Variants in PCDHGA3 observed in about 807,000 individuals in gnomAD.
The protein encoded by PCDHGA3 is protocadherin gamma-A3.
A neutral mutation model predicts 58.5 loss-of-function variants in PCDHGA3; 40 were observed. The ratio of observed to expected loss-of-function variants is 0.68; its 90% CI spans 0.53 to 0.89. The LOEUF (loss-of-function observed/expected upper bound fraction) is 0.89, where lower values mean the gene tolerates loss of function less well. Ranked by LOEUF, PCDHGA3 falls within the 40% of genes least tolerant of loss-of-function variation. The probability of loss-of-function intolerance (pLI) is 0.00; values close to 1 mark genes in which losing one functional copy is unlikely to be tolerated. For synonymous variants in PCDHGA3, 530 were observed against 525.7 expected (o/e 1.01, Z -0.11); for missense variants, 1,223 against 1,195.9 (o/e 1.02, Z -0.33).
intron 2 of PCDHGA3, among the ~76,000 whole-genome samples, chr5:141,501,876 C>T (rs1463329895): frequency 6.6e-6 from 1 of 152,118 alleles, no homozygotes; most frequent in East Asian, 1.9e-4. Context: ...CGCCTCCTTA[C>T]ACTCCTGATC....
At chr5:141,448,808 G>C (rs2098608218) in intron 1 of PCDHGA3, among the ~76,000 whole-genome samples, 2 of 152,080 alleles carry the variant, frequency 1.3e-5, no homozygotes, top group Admixed American at 1.3e-4. Flanking sequence ...AGCCAGGCGT[G>C]ATGGCGGGCG....
At chr5:141,427,306 A>G (rs1023837851) in intron 1 of PCDHGA3, 6 of 456,826 alleles carry the variant, frequency 1.3e-5, no homozygotes, top group African/African-American at 1.2e-4. Flanking sequence ...GAGAATGACA[A>G]TGCCCCAGAC....
intron 1 of PCDHGA3, chr5:141,419,045 T>G (rs1473408777): frequency 6.2e-7 from 1 of 1,613,710 alleles, no homozygotes; most frequent in Non-Finnish European, 8.5e-7. Context: ...TAAGATTCAT[T>G]CTTCTTCTAA....
In PCDHGA3 at chr5:141,376,126, C is replaced by T. The variant is rs770848918; in HGVS notation, c.2424+29669C>T. 8 of 1,613,916 alleles carry T rather than the reference C, an allele frequency of 5.0e-6. No individual in the cohort carries two copies. In the East Asian group the frequency reaches 1.3e-4, roughly 27 times the overall value. On this transcript the variant is annotated intron_variant, in intron 1 of 3. Transcript: ENST00000253812. ...CCGACCTGGGCAGCCTCGAGCCCTCCGCCAAACCCAACGATTCGGACCTCA... is the reference window on the plus strand; with the variant it reads ...CCGACCTGGGCAGCCTCGAGCCCTCTGCCAAACCCAACGATTCGGACCTCA...
chr5:141,420,840 TC>T (rs1453160032), intron 1 of PCDHGA3, among the ~76,000 whole-genome samples: 1 of 152,250 alleles, frequency 6.6e-6, no homozygotes, highest in Admixed American at 6.5e-5. Flanking sequence ...TCGCAGGTGT[TC>T]TTGGTAAAGT....
Position 141,419,293 on chromosome 5 carries a change from C to A in PCDHGA3, c.2424+72836C>A, listed in dbSNP as rs748856660. 1.5e-5 allele frequency: 25 copies of A among 1,614,026 alleles called. No individual in the cohort carries two copies. The African/African-American group carries it at 3.2e-4, about 21-fold the overall frequency. Reference sequence around the variant, plus strand: ...CCATAGCGCAAGTCAGTGCCTCTGACCCAGACTTCGGGCTCAACGGCCGTG... The same window carrying A: ...CCATAGCGCAAGTCAGTGCCTCTGAACCAGACTTCGGGCTCAACGGCCGTG... On this transcript the variant is annotated intron_variant, in intron 1 of 3. Transcript: ENST00000253812.
intron 1 of PCDHGA3, among the ~76,000 whole-genome samples, chr5:141,474,243 G>GA (rs1161758975): frequency 2.6e-5 from 4 of 152,050 alleles, no homozygotes; most frequent in Admixed American, 1.3e-4. Context: ...CTGAATAGGG[G>GA]AAAAAAAGAC....
intron 1 of PCDHGA3, chr5:141,352,333 C>T: frequency 6.2e-7 from 1 of 1,614,084 alleles, no homozygotes; most frequent in Non-Finnish European, 8.5e-7. Flanking sequence ...TGGTTGTGGC[C>T]TTGGCCTTGA....
chr5:141,361,248 G>C (rs376049174), intron 1 of PCDHGA3: 2 of 1,613,840 alleles, frequency 1.2e-6, no homozygotes, highest in African/African-American at 2.7e-5. Context: ...TGATAAAAAC[G>C]AGAGACAGAG....
intron 1 of PCDHGA3, chr5:141,376,578 A>C: frequency 6.3e-6 from 10 of 1,590,844 alleles, no homozygotes; most frequent in Non-Finnish European, 8.6e-6. Flanking sequence ...AGACAGGCTC[A>C]TCAGCTAGAT....
intron 1 of PCDHGA3, chr5:141,352,715 C>A (rs993936789): frequency 1.7e-5 from 26 of 1,538,320 alleles, no homozygotes; most frequent in Admixed American, 3.9e-5. Flanking sequence ...GGCGGCCGGG[C>A]GCGGTGGCTC....
rs1384951887 is a variant in PCDHGA3, at chr5:141,465,860, T to C, written c.2425-28947T>C. ...AACTGAGGCTGGGCCCAGTGGCTCA[T>C]GCCTGTAATCCCAGCACTTTGGGAG... On this transcript the variant is annotated intron_variant, in intron 1 of 3. Coordinates refer to ENST00000253812, the MANE Select transcript of PCDHGA3 (RefSeq NM_018916.4). Among the ~76,000 whole-genome samples the C allele has an allele frequency of 2.0e-5, 3 of 152,114 alleles. No individual in the cohort carries two copies. The South Asian group carries it at 6.2e-4, about 32-fold the overall frequency.
chr5:141,423,004 G>T lies in PCDHGA3; in HGVS notation c.2425-71803G>T, dbSNP rs1206727312. 2 of 1,614,116 alleles carry T rather than the reference G, an allele frequency of 1.2e-6. No individual in the cohort carries two copies. Among genetic ancestry groups the T allele is most frequent in the African/African-American group, 1.3e-5 (1 of 74,958 alleles). ...ACCTGGCTACCTGGTGACCAAGGTG[G>T]TTGCGGTGGACAAAGATTCAGGCCA... On this transcript the variant is annotated intron_variant, in intron 1 of 3. Transcript: ENST00000253812.
At position 141,490,370 on chromosome 5, in the gene PCDHGA3, G is replaced by A. The variant is rs768474199; in HGVS notation, c.2425-4437G>A. Reference sequence around the variant, plus strand: ...GTGGGGTTGTTTAATGTGCGAGACCGGGACTCAGGTAGAAATGGTGAAGTG... The same window carrying A: ...GTGGGGTTGTTTAATGTGCGAGACCAGGACTCAGGTAGAAATGGTGAAGTG... On this transcript the variant is annotated intron_variant, in intron 1 of 3. Coordinates refer to ENST00000253812, the MANE Select transcript of PCDHGA3 (RefSeq NM_018916.4). The surrounding 1 kb of genome is among the most constrained non-coding windows in gnomAD (Gnocchi z 5.4). 32 of 1,614,054 alleles carry A rather than the reference G, an allele frequency of 2.0e-5. No homozygotes were observed. The highest frequency in any genetic ancestry group is 1.0e-4 in the Admixed American group (6 of 60,006).
At position 141,431,633 on chromosome 5, in the gene PCDHGA3, T is replaced by G; in HGVS notation, c.2425-63174T>G. On this transcript the variant is annotated intron_variant, in intron 1 of 3. Coordinates refer to ENST00000253812, the MANE Select transcript of PCDHGA3 (RefSeq NM_018916.4). This position sits in a 1 kb window ranked among gnomAD's most constrained non-coding sequence, Gnocchi z 4.8. Reference sequence around the variant, plus strand: ...TGTGGACGACAAGGCGGCCCAAGTTTTCAAACTAGATTGTAATTCAGGGAC... The same window carrying G: ...TGTGGACGACAAGGCGGCCCAAGTTGTCAAACTAGATTGTAATTCAGGGAC... 6.2e-7 allele frequency: 1 copy of G among 1,614,240 alleles called. No individual in the cohort carries two copies. Among genetic ancestry groups the G allele is most frequent in the Non-Finnish European group, 8.5e-7 (1 of 1,180,048 alleles).
intron 1 of PCDHGA3, chr5:141,411,955 A>C (rs1427605209): frequency 6.6e-5 from 10 of 152,244 alleles, no homozygotes; most frequent in African/African-American, 1.2e-4. Context: ...TTTGAAGAAA[A>C]AAGATAAAAT....
intron 1 of PCDHGA3, chr5:141,415,463 T>G: frequency 6.2e-7 from 1 of 1,614,228 alleles, no homozygotes; most frequent in South Asian, 1.1e-5. Flanking sequence ...GAGGTCTCTC[T>G]CACCGCGGAC....
At chr5:141,364,134 A>G (rs1204922950) in intron 1 of PCDHGA3, 1 of 488,948 alleles carries the variant, frequency 2.0e-6, no homozygotes, top group African/African-American at 2.0e-5. Flanking sequence ...GCTGTTGACC[A>G]AAGTGGGAAA....
intron 1 of PCDHGA3, chr5:141,372,773 T>A: frequency 6.2e-7 from 1 of 1,610,720 alleles, no homozygotes; most frequent in East Asian, 2.2e-5. Flanking sequence ...GTAATGACAA[T>A]CCAGAAATGC....
Sources: allele counts gnomAD v4.1 joint callset (sites outside exome capture counted in the v4.1 genomes callset), GRCh38; gene constraint gnomAD v4.1.1; non-coding constraint Gnocchi (gnomAD v3.1); transcripts MANE v1.5; gene names NCBI Gene and HGNC (gene_info 2026-07-23, HGNC 2026-07-21).